ENPP6: variants seen among roughly 807,000 people sequenced by gnomAD.
ENPP6 encodes glycerophosphocholine cholinephosphodiesterase ENPP6.
ENPP6 carries 32 observed loss-of-function variants against 42.0 expected under a neutral mutation model. The ratio of observed to expected loss-of-function variants is 0.76; its 90% confidence interval spans 0.58 to 1.02. ENPP6 has a LOEUF of 1.02. Ranked by LOEUF, ENPP6 falls within the 50% of genes least tolerant of loss-of-function variation. The pLI is 0.00. For missense variants in ENPP6, 552 were observed against 566.8 expected, an observed-to-expected ratio of 0.97 and a Z score of 0.27; for synonymous variants, 213 against 216.0, an observed-to-expected ratio of 0.99 and a Z score of 0.12.
intron 2 of ENPP6, among the ~76,000 whole-genome samples, chr4:184,142,746 C>G (rs780834635): frequency 7.9e-5 from 12 of 152,200 alleles, no homozygotes; most frequent in Admixed American, 7.9e-4. Context: ...GTGTGCCATA[C>G]CCAGGCTGAG....
At chr4:184,183,416 T>C (rs1252751499) in intron 1 of ENPP6, among the ~76,000 whole-genome samples, 2 of 152,210 alleles carry the variant, frequency 1.3e-5, no homozygotes, top group Non-Finnish European at 2.9e-5. Context: ...ATGTAGAGCC[T>C]GAGAGATTAG....
chr4:184,098,330 G>A (rs2111329861), intron 6 of ENPP6, among the ~76,000 whole-genome samples: 1 of 152,320 alleles, frequency 6.6e-6, no homozygotes, highest in African/African-American at 2.4e-5. Flanking sequence ...AGGTATTGTT[G>A]TCAGCATTGA....
chr4:184,143,229 C>A (rs1736852464), intron 2 of ENPP6, among the ~76,000 whole-genome samples: 1 of 152,176 alleles, frequency 6.6e-6, no homozygotes, highest in Non-Finnish European at 1.5e-5. Context: ...ACCTCTTGCC[C>A]CTGTCTAGGA....
rs1020449375 is a variant in ENPP6, at chr4:184,136,710, T to C, written c.422-12438A>G. Among the ~76,000 whole-genome samples, 4 of 152,238 alleles carry C rather than the reference T, an allele frequency of 2.6e-5. No homozygotes were observed. The East Asian group carries it at 7.7e-4, about 29-fold the overall frequency. Reference sequence around the variant, plus strand: ...AAATATTTTGTTGGAAAGTCAGCTGTCAGTCTTATTATTGCCCCACTGAAC... The same window carrying C: ...AAATATTTTGTTGGAAAGTCAGCTGCCAGTCTTATTATTGCCCCACTGAAC... On this transcript the variant is annotated intron_variant, in intron 2 of 7. Transcript: ENST00000296741.
At chr4:184,131,166 TTTC>T (rs1165261004) in intron 2 of ENPP6, among the ~76,000 whole-genome samples, 3 of 56,126 alleles carry the variant, frequency 5.3e-5, no homozygotes, top group African/African-American at 2.4e-4. Flanking sequence ...TCTTTCTTTC[TTTC>T]TTTCTTTCTT....
intron 1 of ENPP6, among the ~76,000 whole-genome samples, chr4:184,155,774 A>C (rs1737149049): frequency 6.6e-6 from 1 of 152,228 alleles, no homozygotes; most frequent in African/African-American, 2.4e-5. Context: ...CAACCAAAAA[A>C]CAGTTTTTAA....
intron 2 of ENPP6, among the ~76,000 whole-genome samples, chr4:184,152,183 G>A (rs946964270): frequency 2.6e-5 from 4 of 152,262 alleles, no homozygotes; most frequent in Non-Finnish European, 2.9e-5. Flanking sequence ...TGCGCGCCAC[G>A]CCGCACCACA....
At chr4:184,138,376 C>T (rs1736765383) in intron 2 of ENPP6, among the ~76,000 whole-genome samples, 1 of 152,202 alleles carries the variant, frequency 6.6e-6, no homozygotes, top group African/African-American at 2.4e-5. Context: ...TTTCAGCTGA[C>T]AACTCAATTA....
intron 1 of ENPP6, 47 bp downstream of exon 1, chr4:184,217,532 G>A: frequency 4.4e-6 from 7 of 1,607,138 alleles, no homozygotes; most frequent in Non-Finnish European, 6.0e-6. Flanking sequence ...GTTCCCTGCT[G>A]GATGCCAGCC....
intron 1 of ENPP6, among the ~76,000 whole-genome samples, chr4:184,159,657 A>G (rs1184551437): frequency 6.6e-6 from 1 of 151,884 alleles, no homozygotes; most frequent in Non-Finnish European, 1.5e-5. Flanking sequence ...TATTTTTTAA[A>G]TATCTTATTT....
intron 1 of ENPP6, among the ~76,000 whole-genome samples, chr4:184,165,901 T>G (rs368040613): frequency 7.2e-5 from 11 of 152,360 alleles, no homozygotes; most frequent in African/African-American, 2.6e-4. Context: ...TTCCCACTAG[T>G]AGGTTCCCCT....
chr4:184,204,206 A>G (rs907787856), intron 1 of ENPP6: 1 of 152,160 alleles, frequency 6.6e-6, no homozygotes, highest in East Asian at 1.9e-4. Context: ...TAAAGATCCT[A>G]TCTTCAAATA....
intron 1 of ENPP6, among the ~76,000 whole-genome samples, chr4:184,196,518 A>G (rs534094415): frequency 4.6e-5 from 7 of 152,332 alleles, no homozygotes; most frequent in Non-Finnish European, 8.8e-5. Flanking sequence ...CAGTAAGTGG[A>G]AAAGGAGTTA....
intron 1 of ENPP6, among the ~76,000 whole-genome samples, chr4:184,196,006 C>A (rs1732789780): frequency 6.6e-6 from 1 of 152,206 alleles, no homozygotes; most frequent in Non-Finnish European, 1.5e-5. Context: ...CAGGCTCCAT[C>A]ATTTTCAACT....
chr4:184,131,147 T>TTCTTTCTTTCTTTC (rs943843937), intron 2 of ENPP6, among the ~76,000 whole-genome samples: 6 of 41,174 alleles, frequency 1.5e-4, no homozygotes, highest in Admixed American at 7.7e-4. Context: ...CTTACTTTCT[T>TTCTTTCTTTCTTTC]TCTTTCTTTC....
At position 184,090,710 on chromosome 4, in the gene ENPP6, T is replaced by C. The variant is rs897658184; in HGVS notation, c.*467A>G. On this transcript the variant is annotated 3_prime_UTR_variant, in exon 8 of 8. Coordinates refer to ENST00000296741, the MANE Select transcript of ENPP6 (RefSeq NM_153343.4). ...CATGTAGACCTCCTTTTATCAGGGA[T>C]GGAAGGAACAGTACAGGATTGTGGC... 6.8e-6 allele frequency: 2 copies of C among 295,266 alleles called. No individual in the cohort carries two copies. The highest frequency in any genetic ancestry group is 1.2e-5 in the Non-Finnish European group (2 of 160,866). 18.3% of individuals were successfully genotyped at this position (295,266 alleles called of 1,614,324 possible).
At chr4:184,165,563 C>T (rs1421533482) in intron 1 of ENPP6, among the ~76,000 whole-genome samples, 2 of 152,244 alleles carry the variant, frequency 1.3e-5, no homozygotes, top group African/African-American at 4.8e-5. Flanking sequence ...TGGAGACGCA[C>T]AGATCTCTGG....
chr4:184,210,845 G>A (rs141712352), intron 1 of ENPP6, among the ~76,000 whole-genome samples: 29 of 152,148 alleles, frequency 1.9e-4, no homozygotes, highest in Non-Finnish European at 3.8e-4. Context: ...AAGAAAAGCT[G>A]TCCTCAGCAA....
In ENPP6 at chr4:184,217,724, A is replaced by G. The variant is rs1733221016; in HGVS notation, c.96T>C (p.Asp32=). The change falls in exon 1 of 8, where the codon GAT becomes GAC. Residue 32 remains aspartate, a synonymous_variant. Coordinates refer to ENST00000296741, the MANE Select transcript of ENPP6 (RefSeq NM_153343.4). The part of the protein sequence containing the change: ...ARRKLLVFLL[D]GFRSDYISDE... ...CACTGATGTAGTCTGAGCGAAAACC[A>G]TCCAGCAGAAACACCAGCAGCTTCC... The G allele has an allele frequency of 1.2e-6, 2 of 1,614,188 alleles. No individual in the cohort carries two copies. The highest frequency in any genetic ancestry group is 2.2e-5 in the East Asian group (1 of 44,878).
Sources: allele counts gnomAD v4.1 joint callset (sites outside exome capture counted in the v4.1 genomes callset), GRCh38; gene constraint gnomAD v4.1.1; transcripts MANE v1.5; gene names NCBI Gene and HGNC (gene_info 2026-07-23, HGNC 2026-07-21).